Variants in RYR2 observed in about 807,000 individuals in gnomAD.
The protein encoded by RYR2 is cardiac muscle ryanodine receptor-calcium release channel.
A neutral mutation model predicts 601.1 loss-of-function variants in RYR2; 227 were observed. The ratio of observed to expected loss-of-function variants is 0.38; its 90% CI spans 0.34 to 0.42. RYR2 has a LOEUF of 0.42. Ranked by LOEUF, RYR2 falls within the 10% of genes least tolerant of loss-of-function variation. The probability of loss-of-function intolerance (pLI) is 1.00; values close to 1 mark genes in which losing one functional copy is unlikely to be tolerated. For synonymous variants in RYR2, 2,223 were observed against 2,175.1 expected (o/e 1.02, Z -0.61); for missense variants, 4,646 against 6,156.5 (o/e 0.75, Z 8.21).
intron 20 of RYR2, among the ~76,000 whole-genome samples, chr1:237,498,219 G>A (rs962608223): frequency 6.6e-6 from 1 of 152,048 alleles, no homozygotes; most frequent in Non-Finnish European, 1.5e-5. Flanking sequence ...TTATGGGGTT[G>A]AAGCTGTGTT....
At chr1:237,550,071 G>C (rs1379627267) in intron 26 of RYR2, among the ~76,000 whole-genome samples, 2 of 152,152 alleles carry the variant, frequency 1.3e-5, no homozygotes, top group Non-Finnish European at 2.9e-5. Flanking sequence ...ATATTTTTCA[G>C]TTAGGGACAT....
rs533938238 is a variant in RYR2 at position 237,727,970 on chromosome 1, C to T, written c.10838+771C>T. On this transcript the variant is annotated intron_variant, in intron 76 of 104. Transcript: ENST00000366574. Reference sequence around the variant, plus strand: ...ACCTCTATGTCTCAGAAACAGGACTCAGCTCAGCTACATCTCTTTTGTGGA... The same window carrying T: ...ACCTCTATGTCTCAGAAACAGGACTTAGCTCAGCTACATCTCTTTTGTGGA... 9.2e-5 allele frequency among the ~76,000 whole-genome samples: 14 copies of T among 152,216 alleles called. No homozygotes were observed. In the East Asian group the frequency reaches 2.7e-3, roughly 29 times the overall value.
intron 35 of RYR2, among the ~76,000 whole-genome samples, chr1:237,606,251 A>G (rs1156385777): frequency 1.2e-4 from 18 of 152,216 alleles, no homozygotes; most frequent in Non-Finnish European, 2.5e-4. Flanking sequence ...CAGAGCCCTC[A>G]GAAACAACAC....
At chr1:237,762,955 A>G (rs2149283566) in intron 84 of RYR2, among the ~76,000 whole-genome samples, 1 of 151,942 alleles carries the variant, frequency 6.6e-6, no homozygotes, top group South Asian at 2.1e-4. Flanking sequence ...TTGCTCCTTT[A>G]TTTGTTGTTA....
intron 73 of RYR2, among the ~76,000 whole-genome samples, chr1:237,719,469 A>G (rs997628364): frequency 6.6e-6 from 1 of 152,096 alleles, no homozygotes; most frequent in African/African-American, 2.4e-5. Flanking sequence ...GGTTCCAGGA[A>G]GCTTAAAATC....
At chr1:237,242,814 G>T (rs1051383544) in intron 1 of RYR2, among the ~76,000 whole-genome samples, 2 of 152,186 alleles carry the variant, frequency 1.3e-5, no homozygotes, top group Non-Finnish European at 2.9e-5. Flanking sequence ...TCGAGTTACT[G>T]ATGATAGGAG....
At chr1:237,252,751 A>G (rs921603102) in intron 1 of RYR2, among the ~76,000 whole-genome samples, 3 of 152,232 alleles carry the variant, frequency 2.0e-5, no homozygotes, top group Non-Finnish European at 2.9e-5. Context: ...GAGAGGAAAA[A>G]CATTGCAATC....
intron 27 of RYR2, among the ~76,000 whole-genome samples, chr1:237,557,866 T>A (rs1389845156): frequency 6.6e-6 from 1 of 152,146 alleles, no homozygotes; most frequent in Non-Finnish European, 1.5e-5. Flanking sequence ...GTGGGAAGAT[T>A]CTGAGTTTTA....
intron 104 of RYR2, among the ~76,000 whole-genome samples, chr1:237,832,042 A>T (rs12025646): frequency 5.9e-5 from 9 of 152,268 alleles, no homozygotes; most frequent in East Asian, 5.8e-4. Flanking sequence ...GTATATATAT[A>T]CACACACACA....
At chr1:237,342,973 C>G (rs1697959712) in intron 3 of RYR2, among the ~76,000 whole-genome samples, 1 of 152,126 alleles carries the variant, frequency 6.6e-6, no homozygotes, top group Admixed American at 6.5e-5. Context: ...CTTTGGGAGT[C>G]TGAGGTGGGA....
chr1:237,494,795 G>A (rs1208697701), intron 19 of RYR2, among the ~76,000 whole-genome samples: 2 of 152,062 alleles, frequency 1.3e-5, no homozygotes, highest in East Asian at 3.9e-4. Flanking sequence ...TTTCTATGAT[G>A]TGTTTTGTTT....
chr1:237,397,531 T>A (rs1220333939), intron 10 of RYR2, among the ~76,000 whole-genome samples: 2 of 152,146 alleles, frequency 1.3e-5, no homozygotes, highest in South Asian at 2.1e-4. Context: ...AGCTTACAGG[T>A]CATAAGTGGG....
intron 1 of RYR2, among the ~76,000 whole-genome samples, chr1:237,057,204 T>C (rs1314823296): frequency 6.6e-6 from 1 of 152,016 alleles, no homozygotes; most frequent in East Asian, 1.9e-4. Flanking sequence ...CTTTTTTTTT[T>C]GGACGGAATC....
chr1:237,753,545 A>G lies in RYR2; in HGVS notation c.11146-2743A>G, dbSNP rs1372536365. ...TATTCGACCTTGGAAAAACCTCCTA[A>G]CAAGCTTATTAGGATATGCACTGAT... On this transcript the variant is annotated intron_variant, in intron 80 of 104. Transcript: ENST00000366574. Among the ~76,000 whole-genome samples, 3 of 152,196 alleles carry G rather than the reference A, an allele frequency of 2.0e-5. No homozygotes were observed. In the East Asian group the frequency reaches 5.8e-4, roughly 29 times the overall value.
At chr1:237,149,723 T>C (rs1674491983) in intron 1 of RYR2, among the ~76,000 whole-genome samples, 1 of 152,236 alleles carries the variant, frequency 6.6e-6, no homozygotes, top group South Asian at 2.1e-4. Context: ...GTTAATTTCA[T>C]TGGAACATTA....
chr1:237,830,981 T>G (rs955238716), intron 103 of RYR2, among the ~76,000 whole-genome samples: 4 of 152,164 alleles, frequency 2.6e-5, no homozygotes, highest in African/African-American at 9.7e-5. Flanking sequence ...TTACAGATCT[T>G]AAGAGGACTT....
chr1:237,117,417 C>T (rs1000321135), intron 1 of RYR2, among the ~76,000 whole-genome samples: 1 of 151,930 alleles, frequency 6.6e-6, no homozygotes, highest in Admixed American at 6.6e-5. Context: ...TAAATATGGT[C>T]GTAATTTGGA....
chr1:237,774,994 A>G (rs918128451), intron 87 of RYR2, among the ~76,000 whole-genome samples: 1 of 139,924 alleles, frequency 7.1e-6, no homozygotes, highest in Admixed American at 7.0e-5. Flanking sequence ...GGGTGTTGTC[A>G]TAGAACACAG....
chr1:237,480,725 C>T (rs960544498), intron 17 of RYR2, among the ~76,000 whole-genome samples: 1 of 152,108 alleles, frequency 6.6e-6, no homozygotes, highest in Non-Finnish European at 1.5e-5. Context: ...CCAGCAAACT[C>T]CTGACTCATA....
Sources: gnomAD v4.1 joint callset for allele counts (sites outside exome capture counted in the v4.1 genomes callset) on GRCh38, gnomAD v4.1.1 for gene constraint, MANE v1.5 for transcripts, NCBI Gene and HGNC (gene_info 2026-07-23, HGNC 2026-07-21) for gene names.